CADPS2: variants seen among roughly 807,000 people sequenced by gnomAD.
CADPS2 encodes the protein calcium dependent secretion activator 2, also known as calcium-dependent secretion activator 2.
In CADPS2, 93 loss-of-function variants were observed where a neutral mutation model predicts 172.5. The ratio of observed to expected loss-of-function variants is 0.54; its 90% confidence interval spans 0.46 to 0.64. The LOEUF (loss-of-function observed/expected upper bound fraction) is 0.64. CADPS2 is among the 30% of genes least tolerant of loss of function. The pLI, the probability that CADPS2 is intolerant of heterozygous loss-of-function variation, is 0.00. For missense variants in CADPS2, 1,420 were observed against 1,565.9 expected, an observed-to-expected ratio of 0.91 and a Z score of 1.57; for synonymous variants, 546 against 555.2, an observed-to-expected ratio of 0.98 and a Z score of 0.23.
At chr7:122,359,156 C>T (rs1482352961) in intron 27 of CADPS2, among the ~76,000 whole-genome samples, 3 of 151,998 alleles carry the variant, frequency 2.0e-5, no homozygotes, top group Admixed American at 6.6e-5. Flanking sequence ...CCTCAGACAA[C>T]ATATGCCTGT....
intron 1 of CADPS2, among the ~76,000 whole-genome samples, chr7:122,749,836 T>G (rs1244629814): frequency 6.6e-6 from 1 of 151,768 alleles, no homozygotes; most frequent in Non-Finnish European, 1.5e-5. Flanking sequence ...AAACTGGATA[T>G]CTACATTAGG....
chr7:122,880,449 G>C (rs1419450603), intron 1 of CADPS2, among the ~76,000 whole-genome samples: 1 of 152,040 alleles, frequency 6.6e-6, no homozygotes, highest in East Asian at 1.9e-4. Context: ...TTTGTTCCTT[G>C]CTTCGAGTAT....
intron 2 of CADPS2, among the ~76,000 whole-genome samples, chr7:122,689,822 G>A (rs1394749028): frequency 1.3e-5 from 2 of 152,166 alleles, no homozygotes; most frequent in Non-Finnish European, 2.9e-5. Context: ...CCCCAGTGCT[G>A]CTCTATACAT....
chr7:122,364,588 G>A (rs1350520421), intron 25 of CADPS2, among the ~76,000 whole-genome samples: 2 of 151,896 alleles, frequency 1.3e-5, no homozygotes, highest in Admixed American at 6.6e-5. Flanking sequence ...TTAGCTGGGT[G>A]TGGTGGCAGG....
chr7:122,420,230 T>C (rs2048383390), intron 17 of CADPS2, among the ~76,000 whole-genome samples: 1 of 152,218 alleles, frequency 6.6e-6, no homozygotes, highest in Non-Finnish European at 1.5e-5. Flanking sequence ...GCCACAAGTA[T>C]GGAATAATAG....
intron 1 of CADPS2, among the ~76,000 whole-genome samples, chr7:122,822,512 TTTTG>T (rs1432833109): frequency 6.6e-6 from 1 of 150,784 alleles, no homozygotes; most frequent in Non-Finnish European, 1.5e-5. Flanking sequence ...TTCAACACTA[TTTTG>T]TTTTATTTTT....
chr7:122,779,560 AAG>A (rs1164677507), intron 1 of CADPS2, among the ~76,000 whole-genome samples: 4 of 152,206 alleles, frequency 2.6e-5, no homozygotes, highest in Admixed American at 2.0e-4. Context: ...GTGGACAAGA[AAG>A]AGAGTGAGCA....
chr7:122,472,472 C>G (rs921772622), intron 13 of CADPS2, among the ~76,000 whole-genome samples: 5 of 152,158 alleles, frequency 3.3e-5, no homozygotes, highest in Non-Finnish European at 7.3e-5. Flanking sequence ...CAAGACTACA[C>G]TGCAAATCAG....
At chr7:122,750,809 G>A (rs2138373690) in intron 1 of CADPS2, among the ~76,000 whole-genome samples, 1 of 152,190 alleles carries the variant, frequency 6.6e-6, no homozygotes, top group Non-Finnish European at 1.5e-5. Context: ...TGAAAAGAGT[G>A]GCCTGGAAAG....
At chr7:122,702,534 C>T (rs1330540333) in intron 2 of CADPS2, 1 of 1,613,606 alleles carries the variant, frequency 6.2e-7, no homozygotes, top group Non-Finnish European at 8.5e-7. Flanking sequence ...GCCACCACAC[C>T]AGACACCCTT....
At chr7:122,820,956 TC>T (rs1261922894) in intron 1 of CADPS2, among the ~76,000 whole-genome samples, 3 of 151,502 alleles carry the variant, frequency 2.0e-5, no homozygotes, top group South Asian at 4.2e-4. Context: ...TATGCTCAAC[TC>T]ACTCTCTACA....
intron 27 of CADPS2, among the ~76,000 whole-genome samples, chr7:122,351,608 G>A (rs2038656301): frequency 6.6e-6 from 1 of 151,924 alleles, no homozygotes; most frequent in South Asian, 2.1e-4. Context: ...TGTGTTTTAA[G>A]TAGGTACATT....
At chr7:122,744,765 C>T (rs992415109) in intron 1 of CADPS2, among the ~76,000 whole-genome samples, 1 of 152,160 alleles carries the variant, frequency 6.6e-6, no homozygotes, top group African/African-American at 2.4e-5. Flanking sequence ...TAGGCTCACT[C>T]AGCACTAAGT....
intron 1 of CADPS2, among the ~76,000 whole-genome samples, chr7:122,869,079 A>G (rs1819056257): frequency 6.6e-6 from 1 of 152,134 alleles, no homozygotes; most frequent in Admixed American, 6.5e-5. Context: ...TCAAGTGAAT[A>G]AACTATGCAT....
intron 7 of CADPS2, among the ~76,000 whole-genome samples, chr7:122,561,459 T>G (rs2132217668): frequency 6.6e-6 from 1 of 152,254 alleles, no homozygotes; most frequent in Non-Finnish European, 1.5e-5. Context: ...GATTAGAAGC[T>G]TTGTTATTTG....
intron 20 of CADPS2, among the ~76,000 whole-genome samples, chr7:122,402,802 A>T (rs2046126456): frequency 6.6e-6 from 1 of 152,224 alleles, no homozygotes; most frequent in Non-Finnish European, 1.5e-5. Flanking sequence ...TGCCGATGTA[A>T]GCAAGCACTG....
chr7:122,854,131 G>A (rs535672963), intron 1 of CADPS2, among the ~76,000 whole-genome samples: 14 of 152,124 alleles, frequency 9.2e-5, no homozygotes, highest in African/African-American at 2.4e-4. Context: ...AGGCTGAGGC[G>A]GGTGGATAAC....
At chr7:122,353,241 C>T (rs1278851122) in intron 27 of CADPS2, among the ~76,000 whole-genome samples, 2 of 152,126 alleles carry the variant, frequency 1.3e-5, no homozygotes, top group Admixed American at 1.3e-4. Flanking sequence ...CGGAGATCCT[C>T]GACCCCATAT....
chr7:122,327,244 A>G (rs11972628), intron 28 of CADPS2, among the ~76,000 whole-genome samples: 27,079 of 152,008 alleles, frequency 0.18, 3,330 homozygotes, highest in East Asian at 0.35. Flanking sequence ...TATTTCAAAT[A>G]ATTTACAGCT....
Sources: gnomAD v4.1 joint callset for allele counts (sites outside exome capture counted in the v4.1 genomes callset) on GRCh38, gnomAD v4.1.1 for gene constraint, MANE v1.5 for transcripts, NCBI Gene and HGNC (gene_info 2026-07-23, HGNC 2026-07-21) for gene names.